The following USP10 variants were observed in gnomAD, a reference collection of about 807,000 sequenced individuals.
USP10 encodes ubiquitin specific peptidase 10, also known as ubiquitin carboxyl-terminal hydrolase 10.
USP10 carries 22 observed loss-of-function variants against 84.5 expected under a neutral mutation model. The observed-to-expected ratio is 0.26, with a 90% CI of 0.19 to 0.37. USP10 has a LOEUF of 0.37. USP10 is among the 10% of genes least tolerant of loss of function. USP10 has a pLI of 1.00. For missense variants in USP10, 1,019 were observed against 998.9 expected (o/e 1.02, Z -0.27); for synonymous variants, 454 against 387.6 (o/e 1.17, Z -2.01).
At chr16:84,763,279 A>G (rs535791280) in intron 9 of USP10, among the ~76,000 whole-genome samples, 191 bp downstream of exon 9, 2 of 152,262 alleles carry the variant, frequency 1.3e-5, no homozygotes, top group African/African-American at 4.8e-5. Flanking sequence ...AACCTCTGCC[A>G]TTTTCCTTTA....
chr16:84,768,708 C>T (rs555184199), intron 11 of USP10, among the ~76,000 whole-genome samples: 1 of 152,306 alleles, frequency 6.6e-6, no homozygotes, highest in Non-Finnish European at 1.5e-5. Flanking sequence ...TAGGGTACAA[C>T]TGTCATTAGA....
intron 1 of USP10, among the ~76,000 whole-genome samples, chr16:84,709,621 G>A (rs557915728): frequency 2.0e-5 from 3 of 152,224 alleles, no homozygotes; most frequent in East Asian, 1.9e-4. Context: ...CTTTTGACTC[G>A]GAGGGTGCCG....
chr16:84,716,321 T>C (rs1345561346), intron 1 of USP10: 1 of 152,248 alleles, frequency 6.6e-6, no homozygotes, highest in East Asian at 1.9e-4. Flanking sequence ...TGTTAATGTG[T>C]CTGTGCCTTG....
At chr16:84,735,446 G>A (rs754331336) in intron 2 of USP10, among the ~76,000 whole-genome samples, 4 of 152,124 alleles carry the variant, frequency 2.6e-5, no homozygotes, top group Admixed American at 6.5e-5. Flanking sequence ...GCCTGGGGTC[G>A]CTTCAGTTCT....
At chr16:84,759,215 G>A (rs770236575) in intron 5 of USP10, 148 bp from the exon 6 acceptor site, 20 of 716,046 alleles carry the variant, frequency 2.8e-5, no homozygotes, top group African/African-American at 1.1e-4. Flanking sequence ...TAACTATTTG[G>A]TTTATTCCTT....
intron 4 of USP10, among the ~76,000 whole-genome samples, chr16:84,757,262 G>C (rs12596157): frequency 0.16 from 24,498 of 152,030 alleles, 2,026 homozygotes; most frequent in Admixed American, 0.2. Flanking sequence ...TGCAAACTTA[G>C]TCTAATTAAA....
At chr16:84,751,873 A>G (rs1462696682) in intron 4 of USP10, among the ~76,000 whole-genome samples, 3 of 152,200 alleles carry the variant, frequency 2.0e-5, no homozygotes, top group Non-Finnish European at 4.4e-5. Flanking sequence ...ATTTTAGGAA[A>G]ACAGAATTTG....
intron 4 of USP10, among the ~76,000 whole-genome samples, chr16:84,751,571 T>G (rs1911939898): frequency 6.6e-6 from 1 of 152,338 alleles, no homozygotes; most frequent in East Asian, 1.9e-4. Flanking sequence ...TATACATCTT[T>G]CCACTTCAGA....
intron 4 of USP10, among the ~76,000 whole-genome samples, chr16:84,754,082 G>A (rs1413783262): frequency 6.6e-6 from 1 of 152,110 alleles, no homozygotes; most frequent in African/African-American, 2.4e-5. Context: ...AAGTGTGAGA[G>A]TCTTGTCTTT....
intron 4 of USP10, among the ~76,000 whole-genome samples, chr16:84,754,314 G>C (rs1411392704): frequency 6.6e-6 from 1 of 152,066 alleles, no homozygotes; most frequent in Admixed American, 6.5e-5. Flanking sequence ...TACAGTAACA[G>C]AATAATCATT....
intron 1 of USP10, among the ~76,000 whole-genome samples, chr16:84,722,717 G>A (rs779785993): frequency 6.6e-6 from 1 of 151,958 alleles, no homozygotes; most frequent in Non-Finnish European, 1.5e-5. Context: ...ACTCCCCCAC[G>A]CCCAGCTAAT....
intron 2 of USP10, among the ~76,000 whole-genome samples, chr16:84,737,087 C>G (rs1183288620): frequency 2.6e-5 from 4 of 152,190 alleles, no homozygotes; most frequent in East Asian, 1.9e-4. Context: ...CACGCCCGGC[C>G]TAATTTGGTA....
At chr16:84,753,791 G>T (rs1191818011) in intron 4 of USP10, among the ~76,000 whole-genome samples, 1 of 152,204 alleles carries the variant, frequency 6.6e-6, no homozygotes. Flanking sequence ...ATGTTTAATT[G>T]ATCCTGTATT....
At chr16:84,764,623 A>C (rs1273394368) in intron 10 of USP10, among the ~76,000 whole-genome samples, 3 of 152,066 alleles carry the variant, frequency 2.0e-5, no homozygotes, top group Non-Finnish European at 4.4e-5. Flanking sequence ...CTGAGGTTAG[A>C]AGTTCGAGAT....
chr16:84,743,669 T>C (rs1418969701), intron 3 of USP10, among the ~76,000 whole-genome samples: 2 of 152,154 alleles, frequency 1.3e-5, no homozygotes, highest in Non-Finnish European at 2.9e-5. Context: ...TTATCAAATA[T>C]AAGGTGACAT....
At chr16:84,709,188 A>T (rs891359636) in intron 1 of USP10, 2 of 152,252 alleles carry the variant, frequency 1.3e-5, no homozygotes, top group Admixed American at 1.3e-4. Flanking sequence ...CTAATCAGAT[A>T]ATCACAGTTA....
At chr16:84,728,017 G>C (rs1463796164) in intron 1 of USP10, among the ~76,000 whole-genome samples, 3 of 151,492 alleles carry the variant, frequency 2.0e-5, no homozygotes, top group Non-Finnish European at 4.4e-5. Flanking sequence ...TAGTCTGGAA[G>C]TTTCCCACAG....
At chr16:84,772,757 ATTTC>A in intron 12 of USP10, 72 bp downstream of exon 12, 1 of 1,569,164 alleles carries the variant, frequency 6.4e-7, no homozygotes, top group Non-Finnish European at 8.7e-7. Flanking sequence ...ACCCTGTAGC[ATTTC>A]TTTATGATGT....
chr16:84,752,036 A>G (rs889890173), intron 4 of USP10, among the ~76,000 whole-genome samples: 2 of 152,212 alleles, frequency 1.3e-5, no homozygotes, highest in Non-Finnish European at 2.9e-5. Context: ...TAAAATTTGA[A>G]AAAAGGCTAT....
Sources: gnomAD v4.1 joint callset for allele counts (sites outside exome capture counted in the v4.1 genomes callset) on GRCh38, gnomAD v4.1.1 for gene constraint, MANE v1.5 for transcripts, NCBI Gene and HGNC (gene_info 2026-07-23, HGNC 2026-07-21) for gene names.